The following SUGCT variants were observed in gnomAD, a reference collection of about 807,000 sequenced individuals.
SUGCT encodes the protein succinyl-CoA:glutarate-CoA transferase, also known as succinyl-CoA:glutarate CoA-transferase.
In SUGCT, 41 loss-of-function variants were observed where a neutral mutation model predicts 55.0. The observed-to-expected ratio is 0.74, with a 90% confidence interval of 0.58 to 0.97. SUGCT has a LOEUF of 0.97. Ranked by LOEUF, SUGCT falls within the 50% of genes least tolerant of loss-of-function variation. The pLI is 0.00. For missense variants in SUGCT, 568 were observed against 547.8 expected (o/e 1.04, Z -0.37); for synonymous variants, 187 against 200.4 (o/e 0.93, Z 0.56).
chr7:40,415,473 T>C (rs1053218024), intron 9 of SUGCT, among the ~76,000 whole-genome samples: 14 of 151,784 alleles, frequency 9.2e-5, no homozygotes, highest in African/African-American at 3.4e-4. Context: ...TAATATTTTT[T>C]TTCCCAATCC....
intron 12 of SUGCT, among the ~76,000 whole-genome samples, chr7:40,616,977 G>A (rs1347143206): frequency 6.6e-6 from 1 of 152,166 alleles, no homozygotes; most frequent in African/African-American, 2.4e-5. Flanking sequence ...GTGGTTTTTA[G>A]TGGATTAAAG....
rs1418140347 is a variant in SUGCT at position 40,609,641 on chromosome 7, A to G, written c.1089+113255A>G. ...CTTTTGTTTACATATTGGTACTTCA[A>G]AATTGCACTGAAAACTCTTAAAAAA... On this transcript the variant is annotated intron_variant, in intron 12 of 13. Transcript: ENST00000335693. Among the ~76,000 whole-genome samples the G allele has an allele frequency of 2.6e-5, 4 of 152,172 alleles. No homozygotes were observed. The South Asian group carries it at 6.2e-4, about 24-fold the overall frequency.
intron 9 of SUGCT, among the ~76,000 whole-genome samples, chr7:40,426,837 A>G (rs1787612777): frequency 6.6e-6 from 1 of 151,852 alleles, no homozygotes; most frequent in African/African-American, 2.4e-5. Flanking sequence ...TTTAAGAGAT[A>G]GGGTCTTGCT....
chr7:40,221,877 A>G (rs1788043553), intron 6 of SUGCT, among the ~76,000 whole-genome samples: 1 of 152,196 alleles, frequency 6.6e-6, no homozygotes, highest in Non-Finnish European at 1.5e-5. Flanking sequence ...TCTGATGGCA[A>G]AAGAAAGGGG....
At chr7:40,862,807 A>G (rs982310656), downstream of SUGCT, among the ~76,000 whole-genome samples, 3 of 151,994 alleles carry the variant, frequency 2.0e-5, no homozygotes, top group Non-Finnish European at 2.9e-5. Context: ...TTTTCCAGAA[A>G]GCAGTCTGAT....
chr7:40,305,339 G>A lies in SUGCT; in HGVS notation c.721-11421G>A, dbSNP rs192981717. On this transcript the variant is annotated intron_variant, in intron 8 of 13. Coordinates refer to ENST00000335693, the MANE Select transcript of SUGCT (RefSeq NM_001193313.2). ...TTTAAATTCTTCAAATTAGAGGAAA[G>A]CAGTGTTATTCATTCATTTTTGAGT... Among the ~76,000 whole-genome samples the A allele has an allele frequency of 1.6e-3, 247 of 152,308 alleles. 3 individuals are homozygous for A. The highest frequency in any genetic ancestry group is 2.3e-3 in the East Asian group (12 of 5,184).
In SUGCT at chr7:40,237,212, G is replaced by A. The variant is rs183947519; in HGVS notation, c.485-423G>A. 4.1e-3 allele frequency among the ~76,000 whole-genome samples: 627 copies of A among 151,742 alleles called. 1 individual carries two copies. Among genetic ancestry groups the A allele is most frequent in the African/African-American group, 0.014 (596 of 41,434 alleles). ...TAATCCTAGCATTTTGGGAGGCTGA[G>A]GCAGGTGGATCACTTCACATCAGGA... On this transcript the variant is annotated intron_variant, in intron 6 of 13. Coordinates refer to ENST00000335693, the MANE Select transcript of SUGCT (RefSeq NM_001193313.2).
chr7:40,479,192 G>A (rs925765751), intron 11 of SUGCT, among the ~76,000 whole-genome samples: 3 of 152,118 alleles, frequency 2.0e-5, no homozygotes, highest in African/African-American at 7.2e-5. Flanking sequence ...AAATGAACAT[G>A]AGAGTGAAGA....
the SUGCT span, among the ~76,000 whole-genome samples, chr7:41,035,778 G>A: frequency 6.6e-6 from 1 of 152,180 alleles, no homozygotes; most frequent in Non-Finnish European, 1.5e-5. Context: ...TTGACCTGTG[G>A]GAGCTCACTC....
rs192487669 is a variant in SUGCT, at chr7:40,662,846, A to G, written c.1090-86588A>G. On this transcript the variant is annotated intron_variant, in intron 12 of 13. Transcript: ENST00000335693. ...TTAATACTTATAATCATGCTCTAAT[A>G]CTTAAGCTCCTTGAAGACAAATCCT... Among the ~76,000 whole-genome samples the G allele has an allele frequency of 2.0e-5, 3 of 152,314 alleles. No homozygotes were observed. The East Asian group carries it at 5.8e-4, about 29-fold the overall frequency.
chr7:40,772,825 A>C (rs1789244794), intron 13 of SUGCT, among the ~76,000 whole-genome samples: 1 of 152,000 alleles, frequency 6.6e-6, no homozygotes. Context: ...GAGTTTCACC[A>C]TGTAGCCCAG....
intron 9 of SUGCT, among the ~76,000 whole-genome samples, chr7:40,376,973 G>A (rs1256322905): frequency 2.0e-5 from 3 of 151,044 alleles, no homozygotes; most frequent in African/African-American, 7.3e-5. Flanking sequence ...AAAATTTTGT[G>A]CCAATTTCTA....
chr7:40,267,257 T>C (rs757169812), intron 7 of SUGCT, among the ~76,000 whole-genome samples: 1 of 152,192 alleles, frequency 6.6e-6, no homozygotes, highest in African/African-American at 2.4e-5. Flanking sequence ...TACAGCAAAA[T>C]TATCATAAAT....
chr7:40,450,404 A>AT (rs957423071), intron 10 of SUGCT, among the ~76,000 whole-genome samples: 3 of 146,700 alleles, frequency 2.0e-5, no homozygotes, highest in African/African-American at 5.0e-5. Flanking sequence ...CCTGTTAAGG[A>AT]TTTTTTTCTT....
At chr7:40,169,953 A>G (rs1784595485) in intron 1 of SUGCT, among the ~76,000 whole-genome samples, 3 of 152,158 alleles carry the variant, frequency 2.0e-5, no homozygotes, top group South Asian at 2.1e-4. Context: ...ACAGAGAGCT[A>G]TGCTTCCTCA....
intron 12 of SUGCT, among the ~76,000 whole-genome samples, chr7:40,658,004 G>A (rs1212647444): frequency 6.6e-6 from 1 of 152,154 alleles, no homozygotes; most frequent in Non-Finnish European, 1.5e-5. Flanking sequence ...AAAACTCTTA[G>A]AGGGAATTGA....
intron 13 of SUGCT, among the ~76,000 whole-genome samples, chr7:40,796,918 G>A (rs1043490765): frequency 1.3e-5 from 2 of 152,190 alleles, no homozygotes; most frequent in African/African-American, 4.8e-5. Flanking sequence ...GATGAGACAA[G>A]GCAGGTCCCT....
At chr7:40,971,999 C>G in the SUGCT span, among the ~76,000 whole-genome samples, 4 of 151,914 alleles carry the variant, frequency 2.6e-5, no homozygotes, top group African/African-American at 9.7e-5. Flanking sequence ...ATTAGTCCAC[C>G]ACCTAGAGAA....
In SUGCT at chr7:40,135,588, T is replaced by A. The variant is rs143909741; in HGVS notation, c.100+468T>A. On this transcript the variant is annotated intron_variant, in intron 1 of 13. Transcript: ENST00000335693. ...GAAATTTAGCTTTACTACAGTGTTATAGAACTTTCTTTACTCCCTCTGAAT... is the reference window on the plus strand; with the variant it reads ...GAAATTTAGCTTTACTACAGTGTTAAAGAACTTTCTTTACTCCCTCTGAAT... Among the ~76,000 whole-genome samples, 4 of 152,380 alleles carry A rather than the reference T, an allele frequency of 2.6e-5. No homozygotes were observed. In the East Asian group the frequency reaches 7.7e-4, roughly 29 times the overall value.
Sources: gnomAD v4.1 joint callset for allele counts (sites outside exome capture counted in the v4.1 genomes callset) on GRCh38, gnomAD v4.1.1 for gene constraint, MANE v1.5 for transcripts, NCBI Gene and HGNC (gene_info 2026-07-23, HGNC 2026-07-21) for gene names.